RNF17: variants seen among roughly 807,000 people sequenced by gnomAD.
The protein encoded by RNF17 is spermatogenesis associated 23.
A neutral mutation model predicts 200.5 loss-of-function variants in RNF17; 31 were observed. That is an observed-to-expected ratio of 0.15 (90% CI 0.12 to 0.21). RNF17 has a LOEUF of 0.21. Among genes scored for constraint, RNF17 ranks in the 10% least tolerant of loss-of-function variants. RNF17 has a pLI of 1.00. For missense variants in RNF17, 1,628 were observed against 1,905.1 expected (o/e 0.85, Z 2.71); for synonymous variants, 606 against 637.8 (o/e 0.95, Z 0.75).
At chr13:24,833,376 C>T (rs1214887728) in intron 18 of RNF17, among the ~76,000 whole-genome samples, 4 of 152,206 alleles carry the variant, frequency 2.6e-5, no homozygotes, top group South Asian at 4.1e-4. Context: ...TGTGATTATA[C>T]AGACTGTATC....
chr13:24,798,568 C>T (rs935391059), intron 11 of RNF17, among the ~76,000 whole-genome samples: 1 of 152,262 alleles, frequency 6.6e-6, no homozygotes, highest in South Asian at 2.1e-4. Context: ...TAAATGGGCT[C>T]TAAGACTACC....
chr13:24,753,075 G>C, the RNF17 span, among the ~76,000 whole-genome samples: 1 of 152,014 alleles, frequency 6.6e-6, no homozygotes, highest in Non-Finnish European at 1.5e-5. Context: ...TGAGTGTCAG[G>C]GATGGGGGAT....
At chr13:24,751,355 GT>G in the RNF17 span, 1 of 150,402 alleles carries the variant, frequency 6.6e-6, no homozygotes, top group Non-Finnish European at 1.5e-5. Context: ...TCAACCTGTG[GT>G]TATTTATTTT....
chr13:24,864,890 A>G lies in RNF17; in HGVS notation c.3993A>G (p.Pro1331=), dbSNP rs1893462948. Reference sequence around the variant, plus strand: ...TTAAATAGGAGTTACCTAAAAATCCATGGGAGAAATTGTCTATTCACCTCT... The same window carrying G: ...TTAAATAGGAGTTACCTAAAAATCCGTGGGAGAAATTGTCTATTCACCTCT... The part of the protein sequence containing the change: ...DIHIMELPKN[P]WEKLSIHLYF... The change falls in exon 29 of 36, where the codon CCA becomes CCG. Residue 1331 remains proline, a synonymous_variant. Transcript: ENST00000255324. 3 of 1,555,296 alleles carry G rather than the reference A, an allele frequency of 1.9e-6. No homozygotes were observed. The African/African-American group carries it at 4.1e-5, about 21-fold the overall frequency.
chr13:24,880,863 CAG>C (rs1285250510), downstream of RNF17, among the ~76,000 whole-genome samples: 1 of 152,198 alleles, frequency 6.6e-6, no homozygotes, highest in Non-Finnish European at 1.5e-5. Context: ...TTGGTGTCGC[CAG>C]ACTTTTGCCA....
At chr13:24,865,435 T>C (rs766195195) in intron 29 of RNF17, among the ~76,000 whole-genome samples, 27 of 152,206 alleles carry the variant, frequency 1.8e-4, no homozygotes, top group Non-Finnish European at 3.8e-4. Context: ...TGAGCTTAGC[T>C]TCCATAAGTG....
chr13:24,777,446 T>G (rs889079864), intron 3 of RNF17, among the ~76,000 whole-genome samples: 1 of 152,112 alleles, frequency 6.6e-6, no homozygotes, highest in Non-Finnish European at 1.5e-5. Context: ...GGTGGGAGGA[T>G]CACTTGAGTC....
intron 32 of RNF17, among the ~76,000 whole-genome samples, chr13:24,873,642 A>T (rs1021382693): frequency 6.6e-5 from 10 of 152,100 alleles, no homozygotes; most frequent in Admixed American, 6.5e-4. Context: ...AAATATTAGA[A>T]CTTATTCCTT....
In RNF17 at chr13:24,793,294, G is replaced by T; in HGVS notation, c.1188G>T (p.Met396Ile). 6.2e-7 allele frequency: 1 copy of T among 1,613,496 alleles called. No individual in the cohort carries two copies. The change falls in exon 10 of 36, where the codon ATG (methionine) becomes ATT (isoleucine). Residue 396 changes from methionine (M) to isoleucine (I), a missense_variant. Physicochemically the swap from Met to Ile is conservative, Grantham distance 10 (BLOSUM62 1). This residue lies in a region of RNF17 where 502 missense variants were observed against 501.7 expected (regional missense o/e 1.00). Transcript: ENST00000255324. ...SPKTIAVLPQMGSSPDVIIEE... is the reference protein window; with the variant it reads ...SPKTIAVLPQIGSSPDVIIEE... The stretch of plus-strand genomic sequence containing the variant: ...AAACCATTGCTGTGTTACCTCAGAT[G>T]GGATCTAGCCCTGATGTGATAATTG...
At chr13:24,771,664 G>A (rs1289233272) in intron 2 of RNF17, among the ~76,000 whole-genome samples, 1 of 147,526 alleles carries the variant, frequency 6.8e-6, no homozygotes, top group Non-Finnish European at 1.5e-5. Flanking sequence ...TGACTAGGCA[G>A]ACCTTCCTAA....
upstream of RNF17, chr13:24,764,107 T>A: frequency 8.3e-7 from 1 of 1,201,552 alleles, no homozygotes; most frequent in East Asian, 2.4e-5. Flanking sequence ...GGCCCACTGT[T>A]TGGCTATCTG....
At chr13:24,748,563 A>G in the RNF17 span, among the ~76,000 whole-genome samples, 1 of 152,130 alleles carries the variant, frequency 6.6e-6, no homozygotes, top group African/African-American at 2.4e-5. Flanking sequence ...TTGTGTTTTC[A>G]TTTTGTTTTA....
chr13:24,808,056 G>A (rs1354401586), intron 15 of RNF17, among the ~76,000 whole-genome samples: 1 of 150,818 alleles, frequency 6.6e-6, no homozygotes, highest in Admixed American at 6.6e-5. Context: ...TAGCCTTGTA[G>A]TATAGTTTGA....
At chr13:24,761,878 A>G (rs1474556498), upstream of RNF17, among the ~76,000 whole-genome samples, 2 of 152,226 alleles carry the variant, frequency 1.3e-5, no homozygotes, top group East Asian at 3.8e-4. Context: ...ATCTCTGATG[A>G]AACTCAAGAC....
chr13:24,820,879 A>G (rs546259011), intron 15 of RNF17, among the ~76,000 whole-genome samples: 1 of 152,162 alleles, frequency 6.6e-6, no homozygotes, highest in Non-Finnish European at 1.5e-5. Context: ...GTCTTGGTGT[A>G]TGATTCTTTG....
the RNF17 span, among the ~76,000 whole-genome samples, chr13:24,748,310 C>G: frequency 2.6e-5 from 4 of 152,194 alleles, no homozygotes; most frequent in Admixed American, 6.5e-5. Flanking sequence ...AGTAATTAAG[C>G]CTTCATTTGA....
At chr13:24,837,653 A>G (rs1304102448) in intron 18 of RNF17, among the ~76,000 whole-genome samples, 3 of 152,174 alleles carry the variant, frequency 2.0e-5, no homozygotes, top group African/African-American at 4.8e-5. Context: ...TGAACGACAT[A>G]ATGACACAAC....
chr13:24,847,997 A>C (rs1362591634), intron 22 of RNF17, among the ~76,000 whole-genome samples: 6 of 152,226 alleles, frequency 3.9e-5, no homozygotes, highest in Non-Finnish European at 5.9e-5. Flanking sequence ...TATGGACTGG[A>C]ATGGAATACC....
chr13:24,780,814 G>A (rs1023960052), intron 5 of RNF17, among the ~76,000 whole-genome samples: 2 of 152,016 alleles, frequency 1.3e-5, no homozygotes, highest in Non-Finnish European at 1.5e-5. Context: ...CCCGGGAGAC[G>A]GAGGTTGCAG....
Sources: gnomAD v4.1 joint callset for allele counts (sites outside exome capture counted in the v4.1 genomes callset) on GRCh38, gnomAD v4.1.1 for gene constraint, gnomAD v4.1.1 regional missense constraint, MANE v1.5 for transcripts, NCBI Gene and HGNC (gene_info 2026-07-23, HGNC 2026-07-21) for gene names.